UBP1: variants seen among roughly 807,000 people sequenced by gnomAD.
UBP1 encodes upstream binding protein 1, also known as upstream-binding protein 1.
UBP1 carries 22 observed loss-of-function variants against 76.1 expected under a neutral mutation model. The observed-to-expected ratio is 0.29, with a 90% CI of 0.21 to 0.41. The LOEUF is 0.41. UBP1 is among the 10% of genes least tolerant of loss of function. The pLI, the probability that UBP1 is intolerant of heterozygous loss-of-function variation, is 1.00. For missense variants in UBP1, 436 were observed against 668.1 expected, an observed-to-expected ratio of 0.65 and a Z score of 3.83; for synonymous variants, 224 against 237.1, an observed-to-expected ratio of 0.94 and a Z score of 0.51.
At chr3:33,406,774 C>A (rs2044439475) in intron 8 of UBP1, among the ~76,000 whole-genome samples, 1 of 152,170 alleles carries the variant, frequency 6.6e-6, no homozygotes, top group Non-Finnish European at 1.5e-5. Flanking sequence ...AACACAGTCC[C>A]TCCCCAGGTA....
chr3:33,406,739 A>G (rs1042845669), intron 8 of UBP1, among the ~76,000 whole-genome samples: 1 of 152,204 alleles, frequency 6.6e-6, no homozygotes, highest in African/African-American at 2.4e-5. Flanking sequence ...GCCTGGGCTC[A>G]TAGTTATGGT....
rs76548782 is a variant in UBP1, at chr3:33,429,366, T to A, written c.114-3625A>T. On this transcript the variant is annotated intron_variant, in intron 1 of 15. Coordinates refer to ENST00000283629, the MANE Select transcript of UBP1 (RefSeq NM_014517.5). ...GGGTGTTTCTTTATTTTTTTTTTTT[T>A]AAGACAGGGTCTGGCTCTGTCTCCC... Among the ~76,000 whole-genome samples, 6 of 152,044 alleles carry A rather than the reference T, an allele frequency of 3.9e-5. 1 individual carries two copies. Among genetic ancestry groups the A allele is most frequent in the African/African-American group, 1.4e-4 (6 of 41,462 alleles).
At chr3:33,395,546 A>G (rs570579389) in intron 13 of UBP1, among the ~76,000 whole-genome samples, 6 of 152,196 alleles carry the variant, frequency 3.9e-5, no homozygotes, top group South Asian at 2.1e-4. Flanking sequence ...AATGCTCAGG[A>G]TGAGAAGCCC....
chr3:33,401,004 GGAA>G lies in UBP1; in HGVS notation c.1041_1043del (p.Ser348del), dbSNP rs765418384. On this transcript the variant is annotated inframe_deletion, in exon 10 of 16. Transcript: ENST00000283629. Reference sequence around the variant, plus strand: ...AAGCTCCATCTCCCTGATGATTTGGGGAAGAAGAATTGCTGGGGAGAAAGGAGA... The same window carrying G: ...AAGCTCCATCTCCCTGATGATTTGGGGAAGAATTGCTGGGGAGAAAGGAGA... 5 of 1,592,228 alleles carry G rather than the reference GGAA, an allele frequency of 3.1e-6. No homozygotes were observed. Among genetic ancestry groups the G allele is most frequent in the Admixed American group, 3.6e-5 (2 of 55,166 alleles).
chr3:33,432,788 C>T (rs1397081107), intron 1 of UBP1, among the ~76,000 whole-genome samples: 2 of 152,158 alleles, frequency 1.3e-5, no homozygotes, highest in Non-Finnish European at 2.9e-5. Flanking sequence ...AAAAGGGAGA[C>T]AACTGTGAAT....
intron 7 of UBP1, 56 bp downstream of exon 7, chr3:33,409,180 T>C (rs1344763503): frequency 2.0e-6 from 3 of 1,527,944 alleles, no homozygotes; most frequent in Non-Finnish European, 1.8e-6. Context: ...ATCTTAGAAA[T>C]AGACTAATAT....
chr3:33,401,920 T>G (rs525261), intron 9 of UBP1, among the ~76,000 whole-genome samples: 111,811 of 151,986 alleles, frequency 0.74, 42,130 homozygotes, highest in Non-Finnish European at 0.84. Context: ...ACTCCTCTAA[T>G]TTTCTGAGTC....
rs553958176 is a variant in UBP1 at position 33,410,473 on chromosome 3, C to A, written c.556-872G>T. Among the ~76,000 whole-genome samples, 3 of 152,284 alleles carry A rather than the reference C, an allele frequency of 2.0e-5. No individual in the cohort carries two copies. In the South Asian group the frequency reaches 6.2e-4, roughly 32 times the overall value. On this transcript the variant is annotated intron_variant, in intron 5 of 15. Transcript: ENST00000283629. Reference sequence around the variant, plus strand: ...CAATATTCAACGGATATAAACCATGCCCCCAGGGATTAACTGATGGAGAAT... The same window carrying A: ...CAATATTCAACGGATATAAACCATGACCCCAGGGATTAACTGATGGAGAAT...
chr3:33,409,197 T>A lies in UBP1; in HGVS notation c.819+39A>T, dbSNP rs1255132386. 9 of 1,595,700 alleles carry A rather than the reference T, an allele frequency of 5.6e-6. No individual in the cohort carries two copies. In the African/African-American group the frequency reaches 9.4e-5, roughly 17 times the overall value. ...CTTAGAAATAGACTAATATGCAACC[T>A]TTGCTTCTCTTCCAAAACCAAATGC... On this transcript the variant is annotated intron_variant, in intron 7 of 15. Transcript: ENST00000283629.
In UBP1 at chr3:33,438,501, C is replaced by A. The variant is rs369914214; in HGVS notation, c.113+1235G>T. Among the ~76,000 whole-genome samples the A allele has an allele frequency of 2.6e-5, 4 of 152,292 alleles. No homozygotes were observed. In the East Asian group the frequency reaches 7.7e-4, roughly 29 times the overall value. On this transcript the variant is annotated intron_variant, in intron 1 of 15. Transcript: ENST00000283629. ...TTCAGTAGCTCAATTTCCTCAACAA[C>A]TGAAACAGCTGTTTTAGAAAATAAG...
intron 1 of UBP1, among the ~76,000 whole-genome samples, chr3:33,427,502 T>C (rs1262380832): frequency 6.6e-6 from 1 of 152,248 alleles, no homozygotes; most frequent in East Asian, 1.9e-4. Flanking sequence ...TAGGGACTTG[T>C]CTGAACTGCT....
In UBP1 at chr3:33,401,535, C is replaced by T. The variant is rs186065731; in HGVS notation, c.1032-519G>A. On this transcript the variant is annotated intron_variant, in intron 9 of 15. Coordinates refer to ENST00000283629, the MANE Select transcript of UBP1 (RefSeq NM_014517.5). Reference sequence around the variant, plus strand: ...AAAGAAATTAACTTGTACCACTATCCTTGTGCTTCTAAGTAAAATGAAATG... The same window carrying T: ...AAAGAAATTAACTTGTACCACTATCTTTGTGCTTCTAAGTAAAATGAAATG... Among the ~76,000 whole-genome samples, 112 of 152,242 alleles carry T rather than the reference C, an allele frequency of 7.4e-4. 1 individual carries two copies. Among genetic ancestry groups the T allele is most frequent in the Non-Finnish European group, 3.5e-4 (24 of 68,014 alleles).
chr3:33,430,861 A>C (rs987219955), intron 1 of UBP1, among the ~76,000 whole-genome samples: 1 of 152,130 alleles, frequency 6.6e-6, no homozygotes, highest in Non-Finnish European at 1.5e-5. Context: ...TTTGCAATCA[A>C]ATACTTCACT....
At chr3:33,422,767 G>A (rs1424728381) in intron 2 of UBP1, among the ~76,000 whole-genome samples, 5 of 113,550 alleles carry the variant, frequency 4.4e-5, no homozygotes, top group Admixed American at 3.2e-4. Flanking sequence ...GAGGAGGGGG[G>A]GAGAAAGGGG....
intron 3 of UBP1, among the ~76,000 whole-genome samples, chr3:33,413,973 T>C (rs1370157419): frequency 1.3e-5 from 2 of 152,220 alleles, no homozygotes; most frequent in African/African-American, 2.4e-5. Flanking sequence ...ACAGTTCTAA[T>C]TGTTCCATAC....
chr3:33,434,344 G>T (rs1238307577), intron 1 of UBP1, among the ~76,000 whole-genome samples: 1 of 140,526 alleles, frequency 7.1e-6, no homozygotes, highest in Non-Finnish European at 1.5e-5. Flanking sequence ...GTCACCCCAG[G>T]CTGGAGTGCA....
At chr3:33,434,736 G>C (rs1463105791) in intron 1 of UBP1, among the ~76,000 whole-genome samples, 1 of 143,734 alleles carries the variant, frequency 7.0e-6, no homozygotes. Context: ...CACCAGGCTG[G>C]AGCACAGTGG....
chr3:33,424,310 T>A (rs2044972970), intron 2 of UBP1, among the ~76,000 whole-genome samples: 1 of 152,230 alleles, frequency 6.6e-6, no homozygotes, highest in African/African-American at 2.4e-5. Context: ...ACCTTATAGA[T>A]TCTAAACTTA....
intron 3 of UBP1, among the ~76,000 whole-genome samples, chr3:33,413,645 G>A (rs2044653430): frequency 2.0e-5 from 3 of 151,660 alleles, no homozygotes; most frequent in Admixed American, 6.6e-5. Context: ...GTGAACTTAG[G>A]CCAGGTGCGG....
Sources: allele counts gnomAD v4.1 joint callset (sites outside exome capture counted in the v4.1 genomes callset), GRCh38; gene constraint gnomAD v4.1.1; transcripts MANE v1.5; gene names NCBI Gene and HGNC (gene_info 2026-07-23, HGNC 2026-07-21).